SMG5: variants seen among roughly 807,000 people sequenced by gnomAD.
SMG5 encodes nonsense-mediated mRNA decay factor SMG5.
In SMG5, 53 loss-of-function variants were observed where a neutral mutation model predicts 122.9. The ratio of observed to expected loss-of-function variants is 0.43; its 90% CI spans 0.35 to 0.54. The LOEUF (loss-of-function observed/expected upper bound fraction) is 0.54, where lower values mean the gene tolerates loss of function less well. SMG5 is among the 20% of genes least tolerant of loss of function. The pLI is 0.01. For synonymous variants in SMG5, 477 were observed against 490.2 expected, an observed-to-expected ratio of 0.97 and a Z score of 0.35; for missense variants, 1,153 against 1,285.6, an observed-to-expected ratio of 0.90 and a Z score of 1.58.
chr1:156,278,245 G>A (rs1374546008), intron 2 of SMG5, among the ~76,000 whole-genome samples, 197 bp from the exon 3 acceptor site: 1 of 152,096 alleles, frequency 6.6e-6, no homozygotes, highest in Non-Finnish European at 1.5e-5. Flanking sequence ...GAAGCACGAA[G>A]CACTAAACAT....
upstream of SMG5, among the ~76,000 whole-genome samples, chr1:156,287,419 CAAAT>C (rs901532365): frequency 4.0e-5 from 6 of 151,810 alleles, no homozygotes; most frequent in African/African-American, 1.5e-4. Context: ...CCGTCTCAAA[CAAAT>C]AAATAAATAA....
intron 15 of SMG5, among the ~76,000 whole-genome samples, chr1:156,260,076 G>A (rs886468912): frequency 1.3e-5 from 2 of 152,146 alleles, no homozygotes; most frequent in Non-Finnish European, 2.9e-5. Flanking sequence ...TTCCCTTCCA[G>A]CTCTAACTTT....
At chr1:156,256,333 T>C (rs1661577894) in intron 16 of SMG5, among the ~76,000 whole-genome samples, 1 of 124,352 alleles carries the variant, frequency 8.0e-6, no homozygotes, top group Admixed American at 9.1e-5. Flanking sequence ...TTTTTTTTTT[T>C]TGAGGCAGGG....
Position 156,266,552 on chromosome 1 carries a change from C to A in SMG5, c.1244G>T (p.Ser415Ile). 1 of 1,614,206 alleles carries A rather than the reference C, an allele frequency of 6.2e-7. No homozygotes were observed. The highest frequency in any genetic ancestry group is 8.5e-7 in the Non-Finnish European group (1 of 1,180,044). ...CCCGATTCTCCCACCTGTGCCATCACTCTGGAATGCCGGGACGGGATTCTC... is the reference window on the plus strand; with the variant it reads ...CCCGATTCTCCCACCTGTGCCATCAATCTGGAATGCCGGGACGGGATTCTC... ...EGENPVPAFQSDGTDEPESKE... is the reference protein window; with the variant it reads ...EGENPVPAFQIDGTDEPESKE... The change falls in exon 11 of 22, where the codon AGT becomes ATT. Residue 415 changes from serine (S) to isoleucine (I), a missense_variant. By Grantham distance (142) the Ser-to-Ile change is moderately radical. Around this residue, in one of 5 missense-constraint regions of SMG5, gnomAD observed 631 missense variants for 650.6 expected, o/e 0.97. Transcript: ENST00000361813.
At chr1:156,257,614 C>T (rs919004145) in intron 16 of SMG5, among the ~76,000 whole-genome samples, 2 of 152,168 alleles carry the variant, frequency 1.3e-5, no homozygotes, top group African/African-American at 4.8e-5. Context: ...TAACCCCCTC[C>T]CCATGTCTTC....
At position 156,250,649 on chromosome 1, in the gene SMG5, G is replaced by A. The variant is rs149802696; in HGVS notation, c.2989C>T (p.His997Tyr). 4 of 1,614,202 alleles carry A rather than the reference G, an allele frequency of 2.5e-6. No homozygotes were observed. The highest frequency in any genetic ancestry group is 3.4e-6 in the Non-Finnish European group (4 of 1,180,034). ...ACATTCTTGATGTCCACACTGGCGTGGGCAGCGGCCTGCAGGGCTGCCTGT... is the reference window on the plus strand; with the variant it reads ...ACATTCTTGATGTCCACACTGGCGTAGGCAGCGGCCTGCAGGGCTGCCTGT... ...PMQAALQAAAHASVDIKNVLD... is the reference protein window; with the variant it reads ...PMQAALQAAAYASVDIKNVLD... Residue 997 changes from histidine (H) to tyrosine (Y), a missense_variant, in exon 22 of 22, where the codon CAC becomes TAC. His to Tyr is a moderately conservative substitution (Grantham distance 83). Coordinates refer to ENST00000361813, the MANE Select transcript of SMG5 (RefSeq NM_015327.3).
intron 10 of SMG5, 61 bp downstream of exon 10, chr1:156,267,409 A>G: frequency 6.6e-7 from 1 of 1,521,798 alleles, no homozygotes; most frequent in South Asian, 1.1e-5. Flanking sequence ...GAGCTGCAGA[A>G]AAGGGGAGTG....
upstream of SMG5, chr1:156,286,207 T>G: frequency 6.4e-7 from 1 of 1,572,518 alleles, no homozygotes; most frequent in South Asian, 1.1e-5. Context: ...TACTGCCTCT[T>G]GTGCCCTTCC....
chr1:156,275,296 T>C (rs1662634069), intron 4 of SMG5, among the ~76,000 whole-genome samples: 1 of 152,196 alleles, frequency 6.6e-6, no homozygotes, highest in Non-Finnish European at 1.5e-5. Flanking sequence ...GGGCTTGCCC[T>C]GCCTGAGGCT....
Position 156,250,896 on chromosome 1 carries a change from G to C in SMG5, c.2929C>G (p.Pro977Ala). The change falls in exon 21 of 22, where the codon CCA becomes GCA. Residue 977 changes from proline to alanine, a missense_variant. Physicochemically the swap from Pro to Ala is conservative, Grantham distance 27. Around this residue, in one of 5 missense-constraint regions of SMG5, gnomAD observed 84 missense variants for 82.3 expected, o/e 1.02. Coordinates refer to ENST00000361813, the MANE Select transcript of SMG5 (RefSeq NM_015327.3). ...GAAAGCACGCTGGGGTTGTCCAGTGGAAGGCCTGTGATGATGGTCACCATG... is the reference window on the plus strand; with the variant it reads ...GAAAGCACGCTGGGGTTGTCCAGTGCAAGGCCTGTGATGATGGTCACCATG... ...SGMVTIITGL[P>A]LDNPSVLSGP... 3 of 1,613,986 alleles carry C rather than the reference G, an allele frequency of 1.9e-6. No individual in the cohort carries two copies. The highest frequency in any genetic ancestry group is 1.1e-5 in the South Asian group (1 of 91,072).
the SMG5 span, chr1:156,291,297 C>T: frequency 8.1e-7 from 1 of 1,232,058 alleles, no homozygotes; most frequent in Non-Finnish European, 1.2e-6. Context: ...ATCTGCCTCC[C>T]CTATCTACTC....
At chr1:156,264,265 C>T (rs1349549133) in intron 12 of SMG5, among the ~76,000 whole-genome samples, 1 of 13,964 alleles carries the variant, frequency 7.2e-5, no homozygotes, top group Non-Finnish European at 1.3e-4. Context: ...GAGACTCCGT[C>T]TCAAAAAAAA....
Position 156,278,034 on chromosome 1 carries a change from C to T in SMG5, c.188G>A (p.Cys63Tyr). The T allele has an allele frequency of 6.2e-7, 1 of 1,614,050 alleles. No individual in the cohort carries two copies. The highest frequency in any genetic ancestry group is 8.5e-7 in the Non-Finnish European group (1 of 1,179,956). Residue 63 changes from cysteine (C) to tyrosine (Y), a missense_variant, in exon 3 of 22, where the codon TGC becomes TAC. Physicochemically the swap from Cys to Tyr is radical, Grantham distance 194. This residue lies in a region of SMG5 where 213 missense variants were observed against 197.5 expected (regional missense o/e 1.08). Transcript: ENST00000361813. ...ISLRNKLREL[C>Y]VKLMFLHPVD... ...TGGGTGCAGGAACATAAGCTTGACG[C>T]AGAGCTCACGCAGCCTGGAGGGTGT... is the stretch of plus-strand genomic sequence containing the variant.
intron 6 of SMG5, among the ~76,000 whole-genome samples, chr1:156,272,737 C>T (rs750602090): frequency 8.7e-4 from 133 of 152,152 alleles, no homozygotes; most frequent in Non-Finnish European, 1.2e-3. Flanking sequence ...CCACCATGCC[C>T]GGCTAATTTT....
intron 1 of SMG5, 49 bp downstream of exon 1, chr1:156,282,558 G>A (rs747863402): frequency 2.7e-5 from 42 of 1,527,616 alleles, no homozygotes; most frequent in Admixed American, 2.3e-4. Flanking sequence ...GCCCCTCGCC[G>A]TCTCCCCACT....
chr1:156,263,772 ATCAAAT>A (rs1441258727), intron 12 of SMG5, among the ~76,000 whole-genome samples: 1 of 152,202 alleles, frequency 6.6e-6, no homozygotes, highest in African/African-American at 2.4e-5. Flanking sequence ...TTTTAATCTC[ATCAAAT>A]TCATTTTACC....
Position 156,277,241 on chromosome 1 carries a change from G to C in SMG5, c.298C>G (p.His100Asp), listed in dbSNP as rs1662723923. The change falls in exon 4 of 22, where the codon CAC becomes GAC. Residue 100 changes from histidine to aspartate, a missense_variant and splice_region_variant. His to Asp is a moderately conservative substitution (Grantham distance 81, BLOSUM62 -1). This residue lies in a region of SMG5 where 213 missense variants were observed against 197.5 expected (regional missense o/e 1.08). Coordinates refer to ENST00000361813, the MANE Select transcript of SMG5 (RefSeq NM_015327.3). ...TCCAAAGTGCTCCGGCTGTGGATGTGCTACAGATTGCGAAAGGGAAGGGGC... is the reference window on the plus strand; with the variant it reads ...TCCAAAGTGCTCCGGCTGTGGATGTCCTACAGATTGCGAAAGGGAAGGGGC... ...VIQLIKTNKK[H>D]IHSRSTLECA... 1 of 1,612,122 alleles carries C rather than the reference G, an allele frequency of 6.2e-7. No homozygotes were observed.
chr1:156,268,357 T>G lies in SMG5; in HGVS notation c.772A>C (p.Lys258Gln). ...AGTTGGTGGTACATTTTGGCTGCCT[T>G]GTCATACAGCCGCTTGAGGTTCCCA... is the stretch of plus-strand genomic sequence containing the variant. ...AYGNLKRLYD[K>Q]AAKMYHQLKK... The change falls in exon 8 of 22, where the codon AAG (lysine) becomes CAG (glutamine). Residue 258 changes from lysine to glutamine, a missense_variant. Coordinates refer to ENST00000361813, the MANE Select transcript of SMG5 (RefSeq NM_015327.3). 1 of 1,614,210 alleles carries G rather than the reference T, an allele frequency of 6.2e-7. No homozygotes were observed.
chr1:156,282,707 G>T lies in SMG5; in HGVS notation c.-27C>A. The T allele has an allele frequency of 1.3e-6, 2 of 1,581,698 alleles. No individual in the cohort carries two copies. The highest frequency in any genetic ancestry group is 4.6e-5 in the East Asian group (2 of 43,880). On this transcript the variant is annotated 5_prime_UTR_variant, in exon 1 of 22. Transcript: ENST00000361813. ...GTGCCCGGGTCCGGGGGCAGCTCCC[G>T]GTCACAGGCCCCTGCCACCCACCAC...
Sources: gnomAD v4.1 joint callset for allele counts (sites outside exome capture counted in the v4.1 genomes callset) on GRCh38, gnomAD v4.1.1 for gene constraint, gnomAD v4.1.1 regional missense constraint, MANE v1.5 for transcripts, NCBI Gene and HGNC (gene_info 2026-07-23, HGNC 2026-07-21) for gene names.